The following GALNT17 variants were observed in gnomAD, a reference collection of about 807,000 sequenced individuals.
The protein encoded by GALNT17 is polypeptide N-acetylgalactosaminyltransferase 17.
Under a neutral mutation model 63.7 loss-of-function variants are expected in GALNT17, and 29 were observed. That is an observed-to-expected ratio of 0.46 (90% confidence interval 0.34 to 0.62). The LOEUF (loss-of-function observed/expected upper bound fraction) is 0.62, where lower values mean the gene tolerates loss of function less well. Ranked by LOEUF, GALNT17 falls within the 20% of genes least tolerant of loss-of-function variation. The pLI is 0.01. For missense variants in GALNT17, 603 were observed against 799.6 expected (o/e 0.75, Z 2.97); for synonymous variants, 305 against 318.3 (o/e 0.96, Z 0.45).
intron 6 of GALNT17, among the ~76,000 whole-genome samples, chr7:71,588,118 T>C (rs915680264): frequency 2.6e-5 from 4 of 152,320 alleles, no homozygotes; most frequent in African/African-American, 7.2e-5. Context: ...GCCTTTTCCA[T>C]GAACAAAGCT....
chr7:71,670,956 A>AT (rs1352125777), intron 8 of GALNT17, among the ~76,000 whole-genome samples: 2 of 151,408 alleles, frequency 1.3e-5, no homozygotes, highest in South Asian at 2.1e-4. Context: ...ATACCCATGT[A>AT]TTTTTTTTAC....
chr7:71,216,046 A>AATT (rs1789471026), intron 1 of GALNT17, among the ~76,000 whole-genome samples: 1 of 114,242 alleles, frequency 8.8e-6, no homozygotes, highest in Non-Finnish European at 2.1e-5. Context: ...TTGTCTCCAT[A>AATT]AATAATAATA....
chr7:71,401,631 T>C (rs1793243438), intron 3 of GALNT17, among the ~76,000 whole-genome samples: 1 of 152,114 alleles, frequency 6.6e-6, no homozygotes, highest in South Asian at 2.1e-4. Flanking sequence ...TCCTGTCAGA[T>C]CAGCAGTGGC....
At chr7:71,240,873 C>T (rs190658976) in intron 1 of GALNT17, among the ~76,000 whole-genome samples, 68 of 152,112 alleles carry the variant, frequency 4.5e-4, no homozygotes, top group African/African-American at 1.6e-3. Flanking sequence ...ACCGTGTTAG[C>T]CAGGATGGTC....
At chr7:71,562,534 AG>A (rs1308246947) in intron 5 of GALNT17, among the ~76,000 whole-genome samples, 1 of 152,162 alleles carries the variant, frequency 6.6e-6, no homozygotes, top group Non-Finnish European at 1.5e-5. Flanking sequence ...GATTCTCATA[AG>A]CAGCTCTCAG....
At chr7:71,411,365 T>C (rs951580290) in intron 3 of GALNT17, among the ~76,000 whole-genome samples, 1 of 151,982 alleles carries the variant, frequency 6.6e-6, no homozygotes, top group Non-Finnish European at 1.5e-5. Flanking sequence ...AGTGATCTGC[T>C]TGTCTAAGCC....
chr7:71,234,215 A>G (rs1380255492), intron 1 of GALNT17, among the ~76,000 whole-genome samples: 4 of 152,144 alleles, frequency 2.6e-5, no homozygotes, highest in Admixed American at 2.0e-4. Context: ...GGTAGTTTGC[A>G]TGATCAGTTT....
At chr7:71,215,205 G>A (rs1052175243) in intron 1 of GALNT17, among the ~76,000 whole-genome samples, 2 of 152,158 alleles carry the variant, frequency 1.3e-5, no homozygotes, top group Non-Finnish European at 2.9e-5. Flanking sequence ...GGTTACCAGA[G>A]TCCAGTTCCG....
intron 5 of GALNT17, among the ~76,000 whole-genome samples, chr7:71,482,823 G>A (rs530738053): frequency 6.6e-6 from 1 of 152,246 alleles, no homozygotes; most frequent in African/African-American, 2.4e-5. Context: ...CTTAGATCAT[G>A]AGGCATTACT....
intron 9 of GALNT17, among the ~76,000 whole-genome samples, chr7:71,693,276 A>ACACACG: frequency 8.4e-6 from 1 of 118,418 alleles, no homozygotes; most frequent in African/African-American, 3.7e-5. Flanking sequence ...ACACACACAC[A>ACACACG]CACACACACA....
At chr7:71,584,605 A>G (rs1480131611) in intron 6 of GALNT17, among the ~76,000 whole-genome samples, 2 of 152,160 alleles carry the variant, frequency 1.3e-5, no homozygotes, top group Non-Finnish European at 2.9e-5. Flanking sequence ...ATGTTTTCTC[A>G]AAAATATTTC....
chr7:71,219,789 C>T (rs968458015), intron 1 of GALNT17, among the ~76,000 whole-genome samples: 3 of 152,016 alleles, frequency 2.0e-5, no homozygotes, highest in African/African-American at 7.2e-5. Context: ...TTTTATTTTC[C>T]TCAAATGTCT....
chr7:71,561,698 C>G (rs1397995595), intron 5 of GALNT17, among the ~76,000 whole-genome samples: 2 of 152,036 alleles, frequency 1.3e-5, no homozygotes, highest in African/African-American at 2.4e-5. Context: ...TGGCTGGGGT[C>G]TAAGAGAATG....
chr7:71,603,861 C>T (rs142616501), intron 6 of GALNT17, among the ~76,000 whole-genome samples: 25 of 151,774 alleles, frequency 1.6e-4, no homozygotes, highest in African/African-American at 5.8e-4. Flanking sequence ...ACACCAGGCA[C>T]TGTGCTAAGT....
At chr7:71,425,536 A>C (rs897622121) in intron 5 of GALNT17, among the ~76,000 whole-genome samples, 3 of 152,056 alleles carry the variant, frequency 2.0e-5, no homozygotes, top group Admixed American at 6.6e-5. Context: ...ATTTTAAGAG[A>C]AGCCATAAAT....
At chr7:71,186,011 C>T (rs1788844612) in intron 1 of GALNT17, among the ~76,000 whole-genome samples, 1 of 151,990 alleles carries the variant, frequency 6.6e-6, no homozygotes, top group African/African-American at 2.4e-5. Flanking sequence ...TCCTTTATGC[C>T]CTCTGAATCA....
At chr7:71,235,470 T>C (rs1338159226) in intron 1 of GALNT17, among the ~76,000 whole-genome samples, 1 of 152,066 alleles carries the variant, frequency 6.6e-6, no homozygotes, top group Non-Finnish European at 1.5e-5. Context: ...ACGTATGAAA[T>C]GAGAAATCTT....
At chr7:71,425,951 GCACGTATTA>G (rs1296228549) in intron 5 of GALNT17, among the ~76,000 whole-genome samples, 2 of 152,156 alleles carry the variant, frequency 1.3e-5, no homozygotes, top group East Asian at 3.9e-4. Context: ...GGGGAAGCAG[GCACGTATTA>G]CATGGCCAGA....
chr7:71,468,041 T>C (rs1407536959), intron 5 of GALNT17, among the ~76,000 whole-genome samples: 1 of 151,838 alleles, frequency 6.6e-6, no homozygotes, highest in Non-Finnish European at 1.5e-5. Flanking sequence ...ATTTCTTAAA[T>C]TTTAGAGACA....
Sources: allele counts gnomAD v4.1 joint callset (sites outside exome capture counted in the v4.1 genomes callset), GRCh38; gene constraint gnomAD v4.1.1; transcripts MANE v1.5; gene names NCBI Gene and HGNC (gene_info 2026-07-23, HGNC 2026-07-21).